The following ZNF430 variants were observed in gnomAD, a reference collection of about 807,000 sequenced individuals.
ZNF430 encodes zinc finger protein 430.
Under a neutral mutation model 56.7 loss-of-function variants are expected in ZNF430, and 35 were observed. The observed-to-expected ratio is 0.62, with a 90% CI of 0.47 to 0.82. The LOEUF is 0.82. ZNF430 is among the 40% of genes least tolerant of loss of function. ZNF430 has a pLI of 0.00. For missense variants in ZNF430, 574 were observed against 661.0 expected, an observed-to-expected ratio of 0.87 and a Z score of 1.44; for synonymous variants, 212 against 224.3, an observed-to-expected ratio of 0.94 and a Z score of 0.49.
At position 21,059,207 on chromosome 19, in the gene ZNF430, C is replaced by A. The variant is rs1201545756; in HGVS notation, c.*1186C>A. Reference sequence around the variant, plus strand: ...TGTAGAAATATATAAGGCACTGAGACTTCAGATATTATACTAAATCAGAGT... The same window carrying A: ...TGTAGAAATATATAAGGCACTGAGAATTCAGATATTATACTAAATCAGAGT... On this transcript the variant is annotated 3_prime_UTR_variant, in exon 5 of 5. Coordinates refer to ENST00000261560, the MANE Select transcript of ZNF430 (RefSeq NM_025189.4). 1 of 152,008 alleles carries A rather than the reference C, an allele frequency of 6.6e-6. No homozygotes were observed. The highest frequency in any genetic ancestry group is 1.5e-5 in the Non-Finnish European group (1 of 68,010). 9.4% of individuals were successfully genotyped at this position (152,008 alleles called of 1,614,324 possible).
intron 4 of ZNF430, among the ~76,000 whole-genome samples, chr19:21,051,638 C>G (rs1014339748): frequency 5.9e-5 from 9 of 152,264 alleles, no homozygotes; most frequent in African/African-American, 2.2e-4. Flanking sequence ...GGACTACAGG[C>G]TCGTACCACC....
At chr19:21,056,090 T>C (rs189076773) in intron 4 of ZNF430, among the ~76,000 whole-genome samples, 1 of 152,346 alleles carries the variant, frequency 6.6e-6, no homozygotes, top group East Asian at 1.9e-4. Context: ...TATGTTGTGC[T>C]CAGCTGGGGC....
chr19:21,054,766 C>A (rs111934476), intron 4 of ZNF430, among the ~76,000 whole-genome samples: 58 of 150,672 alleles, frequency 3.8e-4, no homozygotes, highest in Admixed American at 1.7e-3. Flanking sequence ...GCTCCGCCTC[C>A]CCGGTTCACG....
At chr19:21,053,267 G>C (rs1968314613) in intron 4 of ZNF430, among the ~76,000 whole-genome samples, 1 of 151,976 alleles carries the variant, frequency 6.6e-6, no homozygotes, top group Non-Finnish European at 1.5e-5. Context: ...AAGGAGGGGG[G>C]TGATGACTCA....
intron 4 of ZNF430, among the ~76,000 whole-genome samples, chr19:21,047,759 A>AAC (rs1257751271): frequency 1.3e-5 from 2 of 152,178 alleles, no homozygotes; most frequent in African/African-American, 4.8e-5. Flanking sequence ...TGACAGTGGG[A>AAC]ACACTACTTT....
chr19:21,041,759 G>A (rs1968106679), intron 4 of ZNF430, among the ~76,000 whole-genome samples: 1 of 152,074 alleles, frequency 6.6e-6, no homozygotes, highest in African/African-American at 2.4e-5. Context: ...CTGTCGCCAG[G>A]CTGGAGTGCT....
chr19:21,032,098 C>T (rs527414531), intron 2 of ZNF430, among the ~76,000 whole-genome samples: 2 of 151,776 alleles, frequency 1.3e-5, no homozygotes, highest in South Asian at 4.2e-4. Context: ...GCTGGGGTCC[C>T]TAGTAAAGAT....
chr19:21,039,461 A>ATTTATTTAT (rs1314598773), intron 4 of ZNF430, among the ~76,000 whole-genome samples: 1 of 142,138 alleles, frequency 7.0e-6, no homozygotes, highest in African/African-American at 2.6e-5. Flanking sequence ...TTATTTATTT[A>ATTTATTTAT]TTTATTTATT....
At chr19:21,029,680 GTTT>G (rs376544764) in intron 2 of ZNF430, among the ~76,000 whole-genome samples, 321 of 152,238 alleles carry the variant, frequency 2.1e-3, no homozygotes, top group African/African-American at 6.8e-3. Flanking sequence ...AAAAATCAGA[GTTT>G]TGGCTGGGTG....
chr19:21,030,278 T>C (rs942240599), intron 2 of ZNF430, among the ~76,000 whole-genome samples: 10 of 152,222 alleles, frequency 6.6e-5, no homozygotes, highest in Middle Eastern at 3.4e-3. Context: ...TTTTATTCTA[T>C]ACCTTTAAAA....
At chr19:21,034,974 T>TA (rs1188126086) in intron 4 of ZNF430, 1 of 152,218 alleles carries the variant, frequency 6.6e-6, no homozygotes, top group East Asian at 1.9e-4. Context: ...ATTCTCGAAA[T>TA]ATAGTTTGAA....
At position 21,056,696 on chromosome 19, in the gene ZNF430, G is replaced by T. The variant is rs754158104; in HGVS notation, c.388G>T (p.Val130Phe). 2.5e-6 allele frequency: 4 copies of T among 1,602,538 alleles called. No individual in the cohort carries two copies. ...GGGCATAAAAGATTCTTTCCAAGAA[G>T]TCATATTGAGAAGATATGGAAAATG... Reference protein sequence around the residue: ...EQGIKDSFQEVILRRYGKCGH... With the variant: ...EQGIKDSFQEFILRRYGKCGH... Residue 130 changes from valine to phenylalanine, a missense_variant, in exon 5 of 5, where the codon GTC becomes TTC. By Grantham distance (50) the Val-to-Phe change is conservative. Around this residue, in one of 3 missense-constraint regions of ZNF430, gnomAD observed 346 missense variants for 399.1 expected, o/e 0.87. Coordinates refer to ENST00000261560, the MANE Select transcript of ZNF430 (RefSeq NM_025189.4).
chr19:21,039,727 A>C (rs1968069781), intron 4 of ZNF430, among the ~76,000 whole-genome samples: 1 of 152,068 alleles, frequency 6.6e-6, no homozygotes, highest in Non-Finnish European at 1.5e-5. Context: ...TGGCCTCCCA[A>C]AGTGCTGGCA....
chr19:21,024,898 G>A (rs1034229645), intron 2 of ZNF430, among the ~76,000 whole-genome samples: 3 of 152,122 alleles, frequency 2.0e-5, no homozygotes, highest in African/African-American at 7.2e-5. Context: ...ATAAAATGGA[G>A]TTGTATATTG....
chr19:21,049,721 C>CTTGTTACATTTCGTGTAACATTTG (rs1968251443), intron 4 of ZNF430, among the ~76,000 whole-genome samples: 1 of 152,200 alleles, frequency 6.6e-6, no homozygotes. Context: ...TGTAACATTT[C>CTTGTTACATTTCGTGTAACATTTG]TTGTTACATT....
rs1163987007 is a variant in ZNF430 at position 21,057,785 on chromosome 19, G to T, written c.1477G>T (p.Ala493Ser). The change falls in exon 5 of 5, where the codon GCT (alanine) becomes TCT (serine). Residue 493 changes from alanine (A) to serine (S), a missense_variant. Around this residue, in one of 3 missense-constraint regions of ZNF430, gnomAD observed 213 missense variants for 221.0 expected, o/e 0.96. Coordinates refer to ENST00000261560, the MANE Select transcript of ZNF430 (RefSeq NM_025189.4). ...CTACAAATGTGAAGAATGTGGCAAAGCTTTTAACCAATTCTCAAACCTTAC... is the reference window on the plus strand; with the variant it reads ...CTACAAATGTGAAGAATGTGGCAAATCTTTTAACCAATTCTCAAACCTTAC... ...KPYKCEECGK[A>S]FNQFSNLTKH... 1.2e-6 allele frequency: 2 copies of T among 1,613,886 alleles called. No individual in the cohort carries two copies. The highest frequency in any genetic ancestry group is 1.7e-6 in the Non-Finnish European group (2 of 1,180,018).
At position 21,057,883 on chromosome 19, in the gene ZNF430, T is replaced by C. The variant is rs1477893871; in HGVS notation, c.1575T>C (p.Ser525=). The C allele has an allele frequency of 1.2e-6, 2 of 1,610,172 alleles. No individual in the cohort carries two copies. Among genetic ancestry groups the C allele is most frequent in the East Asian group, 4.5e-5 (2 of 44,558 alleles). The change falls in exon 5 of 5, where the codon TCT becomes TCC. Residue 525 remains serine (S), a synonymous_variant. Transcript: ENST00000261560. The part of the protein sequence containing the change: ...YLECDKAFSQ[S]STLTKHKVIH... ...AATGTGATAAAGCCTTTAGCCAGTC[T>C]TCAACTCTTACTAAACATAAGGTAA...
At chr19:21,021,663 G>A (rs1330299190) in intron 1 of ZNF430, among the ~76,000 whole-genome samples, 1 of 152,100 alleles carries the variant, frequency 6.6e-6, no homozygotes, top group Non-Finnish European at 1.5e-5. Flanking sequence ...GCCAAATTCA[G>A]TAATTGGTTA....
In ZNF430 at chr19:21,048,784, C is replaced by T. The variant is rs574383977; in HGVS notation, c.323-7847C>T. 6.9e-4 allele frequency among the ~76,000 whole-genome samples: 105 copies of T among 152,186 alleles called. 1 individual carries two copies. The highest frequency in any genetic ancestry group is 2.8e-3 in the Admixed American group (43 of 15,298). ...CCGGGCAGAGGCGCCCCCCACCTCC[C>T]GGACGGGGCGGCTGGCCGGGCGGGT... On this transcript the variant is annotated intron_variant, in intron 4 of 4. Transcript: ENST00000261560.
Sources: allele counts gnomAD v4.1 joint callset (sites outside exome capture counted in the v4.1 genomes callset), GRCh38; gene constraint gnomAD v4.1.1; regional missense constraint gnomAD v4.1.1; transcripts MANE v1.5; gene names NCBI Gene and HGNC (gene_info 2026-07-23, HGNC 2026-07-21).